CCDC178: variants seen among roughly 807,000 people sequenced by gnomAD.
CCDC178 encodes the protein coiled-coil domain-containing protein 178.
Under a neutral mutation model 117.4 loss-of-function variants are expected in CCDC178, and 126 were observed. That is an observed-to-expected ratio of 1.07 (90% CI 0.93 to 1.24). The LOEUF (loss-of-function observed/expected upper bound fraction) is 1.24. Ranked by LOEUF, CCDC178 falls within the 50% of genes most tolerant of loss-of-function variation. CCDC178 has a pLI of 0.00. For synonymous variants in CCDC178, 283 were observed against 313.4 expected (o/e 0.90, Z 1.02); for missense variants, 1,030 against 986.9 (o/e 1.04, Z -0.59).
At chr18:32,964,096 G>T (rs1199191171) in intron 22 of CCDC178, among the ~76,000 whole-genome samples, 1 of 151,922 alleles carries the variant, frequency 6.6e-6, no homozygotes, top group Non-Finnish European at 1.5e-5. Context: ...CTAAAGGTAG[G>T]GGTGTAGAAC....
At position 32,937,864 on chromosome 18, in the gene CCDC178, G is replaced by A. The variant is rs745388244; in HGVS notation, c.*147C>T. ...TTATGGATTTGCTGTGAGTAAAAGAGTGGCAAAGCATGCTGGGAGGTGAGT... is the reference window on the plus strand; with the variant it reads ...TTATGGATTTGCTGTGAGTAAAAGAATGGCAAAGCATGCTGGGAGGTGAGT... On this transcript the variant is annotated 3_prime_UTR_variant, in exon 23 of 23. Transcript: ENST00000383096. 3.3e-5 allele frequency: 21 copies of A among 635,244 alleles called. No homozygotes were observed. Among genetic ancestry groups the A allele is most frequent in the Non-Finnish European group, 5.1e-5 (18 of 350,656 alleles). 39.4% of individuals were successfully genotyped at this position (635,244 alleles called of 1,614,324 possible).
chr18:32,999,345 A>C (rs1461276769), intron 21 of CCDC178, among the ~76,000 whole-genome samples: 4 of 152,178 alleles, frequency 2.6e-5, no homozygotes, highest in African/African-American at 9.7e-5. Context: ...ATAGATTCCT[A>C]AGGTTTCCAA....
At chr18:33,385,444 T>C (rs2063482260) in intron 5 of CCDC178, among the ~76,000 whole-genome samples, 1 of 152,164 alleles carries the variant, frequency 6.6e-6, no homozygotes, top group Non-Finnish European at 1.5e-5. Flanking sequence ...TACTCTAAAA[T>C]TGATCACATA....
chr18:33,100,889 G>C (rs62090754), intron 20 of CCDC178, among the ~76,000 whole-genome samples: 11,853 of 151,902 alleles, frequency 0.078, 685 homozygotes, highest in Non-Finnish European at 0.12. Flanking sequence ...TGATATAACT[G>C]ATTACAGAAA....
chr18:33,058,833 T>A (rs2056872645), intron 21 of CCDC178, among the ~76,000 whole-genome samples: 1 of 152,188 alleles, frequency 6.6e-6, no homozygotes, highest in African/African-American at 2.4e-5. Context: ...TTGCTGTTCT[T>A]CCTTTTGTGT....
chr18:33,271,497 C>T (rs2059889486), intron 12 of CCDC178, among the ~76,000 whole-genome samples: 1 of 151,462 alleles, frequency 6.6e-6, no homozygotes, highest in African/African-American at 2.4e-5. Context: ...ACAAAATAGA[C>T]TTTAGAATAA....
At chr18:33,030,696 TGA>T (rs1323902116) in intron 21 of CCDC178, among the ~76,000 whole-genome samples, 1 of 151,564 alleles carries the variant, frequency 6.6e-6, no homozygotes, top group South Asian at 2.1e-4. Context: ...GATATAGATA[TGA>T]GAGAGAGAAT....
intron 5 of CCDC178, among the ~76,000 whole-genome samples, chr18:33,387,441 T>C (rs1405642898): frequency 6.6e-6 from 1 of 152,112 alleles, no homozygotes; most frequent in Admixed American, 6.5e-5. Flanking sequence ...GGAAGTATCA[T>C]GCTACCTGAT....
chr18:33,387,792 T>C (rs996078330), intron 5 of CCDC178, among the ~76,000 whole-genome samples: 1 of 152,184 alleles, frequency 6.6e-6, no homozygotes, highest in Non-Finnish European at 1.5e-5. Flanking sequence ...ATTCAGGACA[T>C]AGGCATGGAG....
intron 20 of CCDC178, among the ~76,000 whole-genome samples, chr18:33,175,162 C>T (rs2058650468): frequency 6.6e-6 from 1 of 151,964 alleles, no homozygotes; most frequent in Non-Finnish European, 1.5e-5. Flanking sequence ...AGGCGTAAGC[C>T]ACCGCACCTG....
In CCDC178 at chr18:32,992,578, A is replaced by T. The variant is rs75642593; in HGVS notation, c.2389-17897T>A. On this transcript the variant is annotated intron_variant, in intron 21 of 22. Coordinates refer to ENST00000383096, the MANE Select transcript of CCDC178 (RefSeq NM_001105528.4). Reference sequence around the variant, plus strand: ...GGAGACTTCTGAGGAATAAAGCAGAAATATTTACTATTGCACAGCATGGTG... The same window carrying T: ...GGAGACTTCTGAGGAATAAAGCAGATATATTTACTATTGCACAGCATGGTG... Among the ~76,000 whole-genome samples, 1,364 of 152,288 alleles carry T rather than the reference A, an allele frequency of 9.0e-3. 20 individuals carry two copies. Among genetic ancestry groups the T allele is most frequent in the African/African-American group, 0.031 (1,309 of 41,566 alleles).
At chr18:33,202,759 C>G (rs1174870254) in intron 20 of CCDC178, among the ~76,000 whole-genome samples, 1 of 152,164 alleles carries the variant, frequency 6.6e-6, no homozygotes, top group East Asian at 1.9e-4. Context: ...GCACATTACA[C>G]TCCACAAAAA....
At chr18:33,366,665 C>G (rs1354683177) in intron 6 of CCDC178, among the ~76,000 whole-genome samples, 1 of 151,844 alleles carries the variant, frequency 6.6e-6, no homozygotes, top group Admixed American at 6.6e-5. Context: ...GTTGTATAAC[C>G]ATTATGATAA....
At chr18:33,273,343 G>T (rs967554416) in intron 12 of CCDC178, among the ~76,000 whole-genome samples, 1 of 151,460 alleles carries the variant, frequency 6.6e-6, no homozygotes, top group Admixed American at 6.6e-5. Flanking sequence ...AACAGTGCAA[G>T]ATTTGTACAC....
intron 20 of CCDC178, among the ~76,000 whole-genome samples, chr18:33,157,310 G>A (rs991228464): frequency 5.3e-5 from 8 of 152,040 alleles, no homozygotes; most frequent in Non-Finnish European, 1.2e-4. Flanking sequence ...CTAGATACAA[G>A]CAATTACATT....
intron 21 of CCDC178, among the ~76,000 whole-genome samples, chr18:33,078,076 C>T (rs2057238890): frequency 6.6e-6 from 1 of 152,154 alleles, no homozygotes. Flanking sequence ...CATCAAAAGG[C>T]TAATCTACCA....
chr18:33,340,086 T>A (rs1174045432), intron 9 of CCDC178, among the ~76,000 whole-genome samples: 1 of 152,062 alleles, frequency 6.6e-6, no homozygotes, highest in Non-Finnish European at 1.5e-5. Flanking sequence ...GCTGAATGGC[T>A]TTGACAAAAA....
chr18:33,402,757 G>A (rs772079592), intron 3 of CCDC178, among the ~76,000 whole-genome samples: 1 of 152,126 alleles, frequency 6.6e-6, no homozygotes, highest in Non-Finnish European at 1.5e-5. Flanking sequence ...TAGAGGAAGG[G>A]TCTCATTATG....
At chr18:33,358,472 A>T (rs1374407873) in intron 6 of CCDC178, among the ~76,000 whole-genome samples, 2 of 151,978 alleles carry the variant, frequency 1.3e-5, no homozygotes, top group African/African-American at 4.8e-5. Context: ...GGAACAGGCC[A>T]GAAATAGGTA....
Sources: allele counts gnomAD v4.1 joint callset (sites outside exome capture counted in the v4.1 genomes callset), GRCh38; gene constraint gnomAD v4.1.1; transcripts MANE v1.5; gene names NCBI Gene and HGNC (gene_info 2026-07-23, HGNC 2026-07-21).